Variants in CCDC18 observed in about 807,000 individuals in gnomAD.
CCDC18 encodes coiled-coil domain containing 18.
A neutral mutation model predicts 196.0 loss-of-function variants in CCDC18; 157 were observed. The observed-to-expected ratio is 0.80, with a 90% CI of 0.70 to 0.91. CCDC18 has a LOEUF of 0.91. CCDC18 is among the 40% of genes least tolerant of loss of function. CCDC18 has a pLI of 0.00. For missense variants in CCDC18, 1,465 were observed against 1,611.6 expected, an observed-to-expected ratio of 0.91 and a Z score of 1.56; for synonymous variants, 482 against 529.2, an observed-to-expected ratio of 0.91 and a Z score of 1.22.
At chr1:93,238,843 G>A (rs1311280275) in intron 19 of CCDC18, among the ~76,000 whole-genome samples, 9 of 152,110 alleles carry the variant, frequency 5.9e-5, no homozygotes, top group African/African-American at 1.9e-4. Context: ...ACTAGTCTAG[G>A]AATCTCTAGT....
At chr1:93,248,712 G>A (rs565077831) in intron 23 of CCDC18, among the ~76,000 whole-genome samples, 1 of 151,912 alleles carries the variant, frequency 6.6e-6, no homozygotes, top group African/African-American at 2.4e-5. Flanking sequence ...ACGGTGGTGC[G>A]TGCCTGTAAT....
At chr1:93,213,892 A>G (rs1411576404) in intron 11 of CCDC18, among the ~76,000 whole-genome samples, 1 of 152,234 alleles carries the variant, frequency 6.6e-6, no homozygotes, top group African/African-American at 2.4e-5. Flanking sequence ...GTGAAATATT[A>G]TAGATGTAGA....
At chr1:93,182,776 C>T (rs1441855189) in intron 1 of CCDC18, among the ~76,000 whole-genome samples, 1 of 151,980 alleles carries the variant, frequency 6.6e-6, no homozygotes, top group Non-Finnish European at 1.5e-5. Flanking sequence ...AACTATTGGG[C>T]GTAGGAGGAG....
At chr1:93,250,427 C>T (rs1005521035) in intron 23 of CCDC18, among the ~76,000 whole-genome samples, 12 of 149,950 alleles carry the variant, frequency 8.0e-5, no homozygotes, top group Non-Finnish European at 1.3e-4. Flanking sequence ...AATATGTATT[C>T]AGTAACAGTG....
At chr1:93,223,900 T>TAC (rs60165485) in intron 16 of CCDC18, among the ~76,000 whole-genome samples, 5,332 of 141,248 alleles carry the variant, frequency 0.038, 218 homozygotes, top group African/African-American at 0.1. Context: ...CATTTATTTA[T>TAC]ACACACACAC....
chr1:93,181,082 C>G (rs1410994317), intron 1 of CCDC18, among the ~76,000 whole-genome samples: 2 of 145,182 alleles, frequency 1.4e-5, no homozygotes, highest in African/African-American at 5.1e-5. Flanking sequence ...TTTGGGATGT[C>G]GAGGCGGAAG....
At chr1:93,251,213 A>G (rs999409705) in intron 23 of CCDC18, among the ~76,000 whole-genome samples, 1 of 152,240 alleles carries the variant, frequency 6.6e-6, no homozygotes, top group Non-Finnish European at 1.5e-5. Flanking sequence ...CAAAAACAAA[A>G]AAAAGTAAAA....
intron 23 of CCDC18, among the ~76,000 whole-genome samples, chr1:93,247,685 G>T (rs936766188): frequency 7.9e-5 from 12 of 152,064 alleles, no homozygotes; most frequent in Admixed American, 5.9e-4. Context: ...CAAAGTGCTG[G>T]GATTACAGGC....
rs149064069 is a variant in CCDC18, at chr1:93,186,380, T to G, written c.339T>G (p.Ile113Met). The G allele has an allele frequency of 4.5e-5, 72 of 1,612,298 alleles. No individual in the cohort carries two copies. The African/African-American group carries it at 8.3e-4, about 19-fold the overall frequency. ...CTTCTGCCCCTGTGGATCAGGAGAT[T>G]AAAAGCCTTCGAGAGAAACTAAATA... is the stretch of plus-strand genomic sequence containing the variant. ...FSSSAPVDQE[I>M]KSLREKLNKL... is the part of the protein sequence containing the mutation. The change falls in exon 4 of 29, where the codon ATT (isoleucine) becomes ATG (methionine). Residue 113 changes from isoleucine (I) to methionine (M), a missense_variant. By Grantham distance (10) the Ile-to-Met change is conservative. Coordinates refer to ENST00000690025, the MANE Select transcript of CCDC18 (RefSeq NM_001378204.1).
intron 28 of CCDC18, among the ~76,000 whole-genome samples, chr1:93,275,647 T>G (rs1344818671): frequency 1.3e-5 from 2 of 152,204 alleles, no homozygotes; most frequent in Non-Finnish European, 2.9e-5. Context: ...TTTACCCAGT[T>G]ACTTAAATCT....
At chr1:93,258,087 AAAATT>A (rs1423902048) in intron 25 of CCDC18, among the ~76,000 whole-genome samples, 3 of 150,150 alleles carry the variant, frequency 2.0e-5, no homozygotes, top group African/African-American at 4.8e-5. Context: ...TAAATTAATT[AAAATT>A]AAATTAATAA....
At chr1:93,261,405 A>G (rs1379796267) in intron 26 of CCDC18, among the ~76,000 whole-genome samples, 2 of 152,162 alleles carry the variant, frequency 1.3e-5, no homozygotes, top group Admixed American at 6.5e-5. Flanking sequence ...CCATAAATAC[A>G]TTGACCATTT....
intron 26 of CCDC18, 90 bp downstream of exon 26, chr1:93,258,975 A>G (rs1663415822): frequency 9.8e-7 from 1 of 1,020,502 alleles, no homozygotes; most frequent in African/African-American, 1.7e-5. Flanking sequence ...TTAAGTGTTC[A>G]TTATTGAATA....
intron 16 of CCDC18, among the ~76,000 whole-genome samples, chr1:93,224,448 T>C (rs72717337): frequency 0.059 from 8,983 of 152,240 alleles, 320 homozygotes; most frequent in South Asian, 0.071. Flanking sequence ...TTACTTAAAA[T>C]TGTCCTTTAT....
At chr1:93,209,600 G>T (rs766867152) in intron 9 of CCDC18, among the ~76,000 whole-genome samples, 3 of 152,352 alleles carry the variant, frequency 2.0e-5, no homozygotes, top group Non-Finnish European at 4.4e-5. Context: ...CAACTGGTAA[G>T]TAGTAGAATT....
chr1:93,201,968 G>C lies in CCDC18; in HGVS notation c.775G>C (p.Val259Leu). The C allele has an allele frequency of 1.2e-6, 2 of 1,606,752 alleles. No individual in the cohort carries two copies. The highest frequency in any genetic ancestry group is 1.7e-6 in the Non-Finnish European group (2 of 1,175,566). ...SKAFQQYKKK[V>L]AEKLEKVQAE... ...AGCTTTCCAACAATATAAAAAAAAA[G>C]TGGCTGAAAAACTGGAAAAGGTAAA... is the stretch of plus-strand genomic sequence containing the variant. The change falls in exon 7 of 29, where the codon GTG becomes CTG. Residue 259 changes from valine to leucine, a missense_variant. Val to Leu is a conservative substitution (Grantham distance 32). Transcript: ENST00000690025.
At chr1:93,241,723 CAAAAAAAAAAAA>C (rs35810581) in intron 21 of CCDC18, among the ~76,000 whole-genome samples, 1 of 59,956 alleles carries the variant, frequency 1.7e-5, no homozygotes, top group Non-Finnish European at 3.1e-5. Context: ...GACTCCATCT[CAAAAAAAAAAAA>C]AAAAAAAAAA....
intron 7 of CCDC18, among the ~76,000 whole-genome samples, chr1:93,202,443 A>C (rs899793350): frequency 6.6e-6 from 1 of 152,172 alleles, no homozygotes; most frequent in Non-Finnish European, 1.5e-5. Context: ...TATTACATTC[A>C]TTTATTATAT....
chr1:93,252,483 T>G (rs1662391666), intron 23 of CCDC18, among the ~76,000 whole-genome samples: 1 of 152,006 alleles, frequency 6.6e-6, no homozygotes, highest in Non-Finnish European at 1.5e-5. Flanking sequence ...AAAAATTATT[T>G]TATTCTCTGT....
Sources: allele counts gnomAD v4.1 joint callset (sites outside exome capture counted in the v4.1 genomes callset), GRCh38; gene constraint gnomAD v4.1.1; transcripts MANE v1.5; gene names NCBI Gene and HGNC (gene_info 2026-07-23, HGNC 2026-07-21).